Variants in KIF6 observed in about 807,000 individuals in gnomAD.
The protein encoded by KIF6 is kinesin-like protein KIF6.
KIF6 carries 106 observed loss-of-function variants against 112.7 expected under a neutral mutation model. The observed-to-expected ratio is 0.94, with a 90% CI of 0.80 to 1.11. The LOEUF (loss-of-function observed/expected upper bound fraction) is 1.11. KIF6 is among the 50% of genes least tolerant of loss of function. The pLI, the probability that KIF6 is intolerant of heterozygous loss-of-function variation, is 0.00. For missense variants in KIF6, 929 were observed against 964.0 expected (o/e 0.96, Z 0.48); for synonymous variants, 339 against 339.9 (o/e 1.00, Z 0.03).
At chr6:39,465,552 C>T (rs1296081410) in intron 13 of KIF6, among the ~76,000 whole-genome samples, 3 of 152,298 alleles carry the variant, frequency 2.0e-5, no homozygotes, top group East Asian at 3.9e-4. Context: ...TAAACTGCTG[C>T]AATACCTTCC....
intron 10 of KIF6, among the ~76,000 whole-genome samples, chr6:39,557,514 G>GGGA (rs573904924): frequency 1.8e-3 from 281 of 152,238 alleles, no homozygotes; most frequent in African/African-American, 6.3e-3. Flanking sequence ...AGAACATACT[G>GGGA]GGAGTTTTAG....
chr6:39,658,075 G>T (rs1436232772), intron 3 of KIF6, among the ~76,000 whole-genome samples: 1 of 152,194 alleles, frequency 6.6e-6, no homozygotes, highest in Non-Finnish European at 1.5e-5. Context: ...AGGAAACTGA[G>T]AAGTTATGGC....
chr6:39,543,104 TTCTC>T (rs936068787), intron 12 of KIF6, among the ~76,000 whole-genome samples: 1 of 152,174 alleles, frequency 6.6e-6, no homozygotes, highest in African/African-American at 2.4e-5. Context: ...ACTTGGACTG[TTCTC>T]TCTCTGTCAT....
chr6:39,394,346 C>A (rs191287672), intron 15 of KIF6, among the ~76,000 whole-genome samples: 6 of 152,314 alleles, frequency 3.9e-5, no homozygotes, highest in Non-Finnish European at 8.8e-5. Context: ...CTGGAAATTG[C>A]GCTTGAGCAC....
intron 13 of KIF6, among the ~76,000 whole-genome samples, chr6:39,461,784 T>C (rs1773494407): frequency 6.6e-6 from 1 of 152,196 alleles, no homozygotes; most frequent in Non-Finnish European, 1.5e-5. Context: ...AAAATTATTA[T>C]TTTTTAATAT....
chr6:39,440,784 G>A (rs1771868952), intron 13 of KIF6, among the ~76,000 whole-genome samples: 1 of 152,162 alleles, frequency 6.6e-6, no homozygotes, highest in Non-Finnish European at 1.5e-5. Context: ...AGGTCAAGAG[G>A]GATAGGAAGG....
intron 10 of KIF6, among the ~76,000 whole-genome samples, chr6:39,551,988 T>C (rs554033038): frequency 6.6e-6 from 1 of 152,304 alleles, no homozygotes. Flanking sequence ...CTTTTGAAAA[T>C]ATAGAATTTT....
intron 15 of KIF6, among the ~76,000 whole-genome samples, chr6:39,410,118 T>C (rs1300658588): frequency 6.6e-6 from 1 of 152,242 alleles, no homozygotes; most frequent in Admixed American, 6.5e-5. Context: ...CGCTTACCAA[T>C]ATGCCCCTGT....
chr6:39,485,768 A>G (rs1775074930), intron 13 of KIF6, among the ~76,000 whole-genome samples: 1 of 152,216 alleles, frequency 6.6e-6, no homozygotes, highest in South Asian at 2.1e-4. Flanking sequence ...ACACATATTT[A>G]GAAAGAATGT....
chr6:39,590,159 T>C (rs577662123), intron 7 of KIF6, among the ~76,000 whole-genome samples: 14 of 152,232 alleles, frequency 9.2e-5, no homozygotes, highest in African/African-American at 3.4e-4. Context: ...GAGGACAGAT[T>C]AAGTATCTGA....
intron 16 of KIF6, among the ~76,000 whole-genome samples, chr6:39,374,165 A>G (rs1766248359): frequency 6.6e-6 from 1 of 152,216 alleles, no homozygotes; most frequent in South Asian, 2.1e-4. Context: ...GGAAAACTGG[A>G]TATCCACATG....
rs533726887 is a variant in KIF6, at chr6:39,633,784, T to C, written c.509+1065A>G. On this transcript the variant is annotated intron_variant, in intron 5 of 22. Transcript: ENST00000287152. ...CCCCTCCTTTAGTAGCTTTGTCCTC[T>C]TGTTGGAGAGTTCACTGACTCAAGT... Among the ~76,000 whole-genome samples the C allele has an allele frequency of 2.0e-5, 3 of 152,300 alleles. No individual in the cohort carries two copies. In the South Asian group the frequency reaches 6.2e-4, roughly 32 times the overall value.
At chr6:39,586,735 A>G (rs1781659722) in intron 7 of KIF6, among the ~76,000 whole-genome samples, 2 of 152,174 alleles carry the variant, frequency 1.3e-5, no homozygotes, top group Admixed American at 6.5e-5. Context: ...AACATGCCTG[A>G]TTACTTCAAT....
chr6:39,452,052 T>A (rs1266177481), intron 13 of KIF6, among the ~76,000 whole-genome samples: 3 of 152,322 alleles, frequency 2.0e-5, no homozygotes, highest in Non-Finnish European at 1.5e-5. Flanking sequence ...TCCTCATCCA[T>A]GAAATAGGGC....
At chr6:39,651,230 G>A (rs1048716653) in intron 3 of KIF6, among the ~76,000 whole-genome samples, 1 of 152,152 alleles carries the variant, frequency 6.6e-6, no homozygotes, top group African/African-American at 2.4e-5. Context: ...AAAGTAAATC[G>A]AGCTTCTGGG....
chr6:39,478,854 G>A (rs1774616929), intron 13 of KIF6, among the ~76,000 whole-genome samples: 1 of 151,756 alleles, frequency 6.6e-6, no homozygotes, highest in Non-Finnish European at 1.5e-5. Flanking sequence ...GATAATTAAT[G>A]GTGTTGAGCA....
chr6:39,495,268 G>C (rs1200441718), intron 13 of KIF6, among the ~76,000 whole-genome samples: 1 of 152,176 alleles, frequency 6.6e-6, no homozygotes, highest in Non-Finnish European at 1.5e-5. Flanking sequence ...GCTAGAATGG[G>C]GCAGACACAT....
intron 14 of KIF6, among the ~76,000 whole-genome samples, chr6:39,422,798 G>A (rs1405301089): frequency 1.3e-5 from 2 of 151,994 alleles, no homozygotes; most frequent in African/African-American, 2.4e-5. Context: ...CTGCCCCTCC[G>A]TCTGAATTCT....
At chr6:39,637,215 G>C (rs1784665208) in intron 4 of KIF6, among the ~76,000 whole-genome samples, 1 of 151,966 alleles carries the variant, frequency 6.6e-6, no homozygotes, top group Admixed American at 6.6e-5. Flanking sequence ...TAAAACGTCA[G>C]GAAAACAGCA....
Sources: allele counts gnomAD v4.1 joint callset (sites outside exome capture counted in the v4.1 genomes callset), GRCh38; gene constraint gnomAD v4.1.1; transcripts MANE v1.5; gene names NCBI Gene and HGNC (gene_info 2026-07-23, HGNC 2026-07-21).